Variants in OSBP2 observed in about 807,000 individuals in gnomAD.
OSBP2 encodes the protein oxysterol binding protein 2.
OSBP2 carries 66 observed loss-of-function variants against 96.0 expected under a neutral mutation model. That is an observed-to-expected ratio of 0.69 (90% confidence interval 0.56 to 0.84). The LOEUF (loss-of-function observed/expected upper bound fraction) is 0.84. Ranked by LOEUF, OSBP2 falls within the 40% of genes least tolerant of loss-of-function variation. The pLI, the probability that OSBP2 is intolerant of heterozygous loss-of-function variation, is 0.00. For missense variants in OSBP2, 1,038 were observed against 1,222.7 expected, an observed-to-expected ratio of 0.85 and a Z score of 2.25; for synonymous variants, 525 against 520.9, an observed-to-expected ratio of 1.01 and a Z score of -0.11.
chr22:30,840,859 A>G (rs1030046266), intron 2 of OSBP2, among the ~76,000 whole-genome samples: 2 of 151,934 alleles, frequency 1.3e-5, no homozygotes, highest in African/African-American at 4.8e-5. Context: ...CACACCACAT[A>G]ATCCATTTAA....
chr22:30,771,127 C>G (rs1304101619), intron 2 of OSBP2, among the ~76,000 whole-genome samples: 1 of 152,244 alleles, frequency 6.6e-6, no homozygotes, highest in Non-Finnish European at 1.5e-5. Context: ...TCCAAGAAGC[C>G]TTCCATGACC....
rs1602391962 is a variant in OSBP2 at position 30,871,985 on chromosome 22, C to G, written c.1107+1303C>G. Among the ~76,000 whole-genome samples, 2 of 152,384 alleles carry G rather than the reference C, an allele frequency of 1.3e-5. No individual in the cohort carries two copies. The highest frequency in any genetic ancestry group is 3.9e-4 in the East Asian group (2 of 5,180). On this transcript the variant is annotated intron_variant, in intron 3 of 13. Coordinates refer to ENST00000332585, the MANE Select transcript of OSBP2 (RefSeq NM_030758.4). This position sits in a 1 kb window ranked among gnomAD's most constrained non-coding sequence, Gnocchi z 4.7. ...CCTGAGGCTGGGCGAGGTGTGCCCC[C>G]CTTCCCGACTGCTGGGAAACTCAGC...
chr22:30,879,652 C>T (rs2147130924), intron 3 of OSBP2, among the ~76,000 whole-genome samples: 1 of 152,334 alleles, frequency 6.6e-6, no homozygotes, highest in South Asian at 2.1e-4. Flanking sequence ...CCCCTTGTGG[C>T]TCCATGGGTC....
intron 3 of OSBP2, among the ~76,000 whole-genome samples, chr22:30,883,855 T>C (rs1454460624): frequency 1.3e-5 from 2 of 152,184 alleles, no homozygotes; most frequent in African/African-American, 4.8e-5. Context: ...GTCTGGCTGC[T>C]GGGGCACATT....
chr22:30,887,190 G>A (rs1378269072), intron 3 of OSBP2, among the ~76,000 whole-genome samples: 1 of 152,134 alleles, frequency 6.6e-6, no homozygotes, highest in Non-Finnish European at 1.5e-5. Flanking sequence ...GTTTTGATGG[G>A]TTTTGGCCGG....
At chr22:30,724,956 G>A (rs560989265) in intron 1 of OSBP2, among the ~76,000 whole-genome samples, 82 of 144,988 alleles carry the variant, frequency 5.7e-4, no homozygotes, top group African/African-American at 2.0e-3. Flanking sequence ...GGTGGATCAC[G>A]AGGTCAGGAG....
chr22:30,748,839 G>C (rs1430889770), intron 2 of OSBP2, among the ~76,000 whole-genome samples: 2 of 152,252 alleles, frequency 1.3e-5, no homozygotes, highest in Non-Finnish European at 2.9e-5. Context: ...ATTTAGGCCA[G>C]ACATGGTGGC....
At chr22:30,717,721 C>G (rs2089487054) in intron 1 of OSBP2, among the ~76,000 whole-genome samples, 1 of 152,132 alleles carries the variant, frequency 6.6e-6, no homozygotes, top group Admixed American at 6.6e-5. Context: ...CCTTATTCAT[C>G]TTCTATTCAT....
intron 1 of OSBP2, among the ~76,000 whole-genome samples, chr22:30,700,560 T>TATTA: frequency 6.6e-6 from 1 of 152,298 alleles, no homozygotes; most frequent in South Asian, 2.1e-4. Context: ...TGACAACATT[T>TATTA]ATTAGGTTAG....
chr22:30,850,179 G>A (rs1218298365), intron 2 of OSBP2, among the ~76,000 whole-genome samples: 3 of 151,870 alleles, frequency 2.0e-5, no homozygotes, highest in Non-Finnish European at 4.4e-5. Context: ...GGTGCTGTGT[G>A]CCTATAGTCC....
chr22:30,839,666 A>G (rs1215565476), intron 2 of OSBP2, among the ~76,000 whole-genome samples: 1 of 151,636 alleles, frequency 6.6e-6, no homozygotes, highest in Non-Finnish European at 1.5e-5. Flanking sequence ...GTCTGTTCAT[A>G]TCCTTTGCCC....
intron 2 of OSBP2, among the ~76,000 whole-genome samples, chr22:30,752,288 CTTTTTTTTTTTT>C (rs10691256): frequency 1.4e-4 from 7 of 48,654 alleles, no homozygotes; most frequent in South Asian, 8.7e-4. Context: ...CTTTGCTTTG[CTTTTTTTTTTTT>C]TTTTTTTTTT....
At chr22:30,882,170 G>A (rs777361171) in intron 3 of OSBP2, among the ~76,000 whole-genome samples, 1 of 152,168 alleles carries the variant, frequency 6.6e-6, no homozygotes, top group Non-Finnish European at 1.5e-5. Flanking sequence ...AGGGTGCTGG[G>A]AGGCCACCCC....
chr22:30,730,531 T>A (rs1312833083), intron 1 of OSBP2, among the ~76,000 whole-genome samples: 1 of 151,852 alleles, frequency 6.6e-6, no homozygotes, highest in Non-Finnish European at 1.5e-5. Flanking sequence ...GCACAGTTCC[T>A]TTATATAGTA....
chr22:30,753,360 G>A (rs957296513), intron 2 of OSBP2, among the ~76,000 whole-genome samples: 8 of 152,150 alleles, frequency 5.3e-5, no homozygotes, highest in Admixed American at 6.5e-5. Context: ...GGTGGGCATG[G>A]TTGGAGCAAA....
At chr22:30,740,182 G>A (rs1246909062) in intron 1 of OSBP2, among the ~76,000 whole-genome samples, 1 of 152,060 alleles carries the variant, frequency 6.6e-6, no homozygotes, top group Non-Finnish European at 1.5e-5. Flanking sequence ...TTGGAGGGTG[G>A]TGGGGGAACC....
At chr22:30,746,946 G>C (rs548602867) in intron 2 of OSBP2, among the ~76,000 whole-genome samples, 3 of 152,270 alleles carry the variant, frequency 2.0e-5, no homozygotes, top group Non-Finnish European at 2.9e-5. Context: ...AAATCCATTA[G>C]AGTATTTAAA....
At position 30,905,876 on chromosome 22, in the gene OSBP2, C is replaced by T. The variant is rs1208129054; in HGVS notation, c.2415C>T (p.Ala805=). Residue 805 remains alanine (A), a synonymous_variant, in exon 13 of 14, where the codon GCC becomes GCT. Transcript: ENST00000332585. ...ACATGTACTACTTCTCAGAGCTGGC[C>T]CTGACCCTCAACGAGCACGAGGAGG... ...AENMYYFSEL[A]LTLNEHEEGV... is the part of the protein sequence containing the mutation. The T allele has an allele frequency of 1.1e-5, 17 of 1,613,336 alleles. No individual in the cohort carries two copies. The Admixed American group carries it at 2.7e-4, about 25-fold the overall frequency.
At chr22:30,719,469 C>T (rs2089512406) in intron 1 of OSBP2, among the ~76,000 whole-genome samples, 1 of 151,938 alleles carries the variant, frequency 6.6e-6, no homozygotes, top group Non-Finnish European at 1.5e-5. Flanking sequence ...TTAAAAGTCA[C>T]CAAGGCCAGG....
Sources: gnomAD v4.1 joint callset for allele counts (sites outside exome capture counted in the v4.1 genomes callset) on GRCh38, gnomAD v4.1.1 for gene constraint, Gnocchi (gnomAD v3.1) non-coding constraint, MANE v1.5 for transcripts, NCBI Gene and HGNC (gene_info 2026-07-23, HGNC 2026-07-21) for gene names.